The following RARA variants were observed in gnomAD, a reference collection of about 807,000 sequenced individuals.
RARA encodes retinoic acid receptor alpha.
In RARA, 5 loss-of-function variants were observed where a neutral mutation model predicts 42.8. The observed-to-expected ratio is 0.12, with a 90% CI of 0.06 to 0.25. RARA has a LOEUF of 0.25. Ranked by LOEUF, RARA falls within the 10% of genes least tolerant of loss-of-function variation. RARA has a pLI of 1.00. For synonymous variants in RARA, 256 were observed against 259.5 expected, an observed-to-expected ratio of 0.99 and a Z score of 0.13; for missense variants, 402 against 628.7, an observed-to-expected ratio of 0.64 and a Z score of 3.86.
Position 40,351,978 on chromosome 17 carries a change from C to T in RARA, c.538C>T (p.Leu180=), listed in dbSNP as rs1278788955. The change falls in exon 5 of 9, where the codon CTG becomes TTG. Residue 180 remains leucine (L), a synonymous_variant. Transcript: ENST00000254066. The surrounding 1 kb of genome is among the most constrained non-coding windows in gnomAD (Gnocchi z 4.1). ...PKPECSESYT[L]TPEVGELIEK... ...GCCCGAGTGCTCTGAGAGCTACACG[C>T]TGACGCCGGAGGTGGGGGAGCTCAT... The T allele has an allele frequency of 6.2e-7, 1 of 1,607,804 alleles. No homozygotes were observed. Among genetic ancestry groups the T allele is most frequent in the African/African-American group, 1.3e-5 (1 of 74,380 alleles).
intron 1 of RARA, among the ~76,000 whole-genome samples, chr17:40,327,865 A>G (rs1182226338): frequency 6.6e-6 from 1 of 152,134 alleles, no homozygotes; most frequent in African/African-American, 2.4e-5. Context: ...GGGGCCCCAC[A>G]GGAGTTGGGA....
At chr17:40,347,278 G>A (rs1458718835) in intron 2 of RARA, among the ~76,000 whole-genome samples, 5 of 152,194 alleles carry the variant, frequency 3.3e-5, no homozygotes, top group South Asian at 2.1e-4. Flanking sequence ...GAACTTGAAC[G>A]TTGGTAGGGG....
At chr17:40,333,887 T>G (rs145108176) in intron 2 of RARA, among the ~76,000 whole-genome samples, 2,312 of 152,314 alleles carry the variant, frequency 0.015, 30 homozygotes, top group Non-Finnish European at 0.023. Flanking sequence ...TCCTCCTATC[T>G]TGGCCTCCCA....
In RARA at chr17:40,352,617, A is replaced by C; in HGVS notation, c.807+110A>C. The stretch of plus-strand genomic sequence containing the variant: ...GTCTGTCTGCAATCAACCTGTCCAA[A>C]TGCCCACCGCCCAAATGTCTGCCCT... On this transcript the variant is annotated intron_variant, in intron 6 of 8. Transcript: ENST00000254066. This position sits in a 1 kb window ranked among gnomAD's most constrained non-coding sequence, Gnocchi z 4.9. 9.5e-7 allele frequency: 1 copy of C among 1,049,074 alleles called. No homozygotes were observed. Among genetic ancestry groups the C allele is most frequent in the Non-Finnish European group, 1.3e-6 (1 of 757,126 alleles). 65.0% of individuals were successfully genotyped at this position (1,049,074 alleles called of 1,614,324 possible).
At chr17:40,344,760 A>G (rs1460797721) in intron 2 of RARA, among the ~76,000 whole-genome samples, 1 of 152,020 alleles carries the variant, frequency 6.6e-6, no homozygotes, top group East Asian at 1.9e-4. Context: ...GTGTCAGTGG[A>G]CTCGGGTCCT....
In RARA at chr17:40,352,111, GGCCA is replaced by G; in HGVS notation, c.630+42_630+45del. 6.6e-7 allele frequency: 1 copy of G among 1,507,510 alleles called. No individual in the cohort carries two copies. The highest frequency in any genetic ancestry group is 8.8e-7 in the Non-Finnish European group (1 of 1,132,694). The allele number at this position is 1,507,510 out of a possible 1,614,324, so 93.4% of individuals were successfully genotyped here. A position where few individuals can be genotyped will look rare whatever the true frequency, so the allele number is the denominator to read the frequency against. On this transcript the variant is annotated intron_variant, in intron 5 of 8. Transcript: ENST00000254066. This position sits in a 1 kb window ranked among gnomAD's most constrained non-coding sequence, Gnocchi z 4.9. ...GGCCTGCAGGGTGGGATTTGCCCAG[GGCCA>G]CAGGGCCAGGATGGGCCCCTCTCAG...
At chr17:40,349,102 CAGCCTGGAGT>C (rs1488610205) in intron 3 of RARA, 1 of 155,146 alleles carries the variant, frequency 6.4e-6, no homozygotes, top group Non-Finnish European at 1.4e-5. Flanking sequence ...GGCTGCTCTT[CAGCCTGGAGT>C]AGCTATCCCC....
chr17:40,352,255 A>T lies in RARA; in HGVS notation c.631-76A>T, dbSNP rs1246610449. 1.3e-6 allele frequency: 2 copies of T among 1,529,170 alleles called. No homozygotes were observed. Among genetic ancestry groups the T allele is most frequent in the African/African-American group, 2.8e-5 (2 of 72,394 alleles). 94.7% of individuals were successfully genotyped at this position (1,529,170 alleles called of 1,614,324 possible). A position where few individuals can be genotyped will look rare whatever the true frequency, so the allele number is the denominator to read the frequency against. ...AGGAAGTGAAGGCTGGGTAGAGGGC[A>T]GGCCTGTGGGGGCTGGAGCCAGGCT... On this transcript the variant is annotated intron_variant, in intron 5 of 8. Transcript: ENST00000254066. The surrounding 1 kb of genome is among the most constrained non-coding windows in gnomAD (Gnocchi z 4.9).
chr17:40,317,828 G>T (rs1823384923), intron 1 of RARA, among the ~76,000 whole-genome samples: 1 of 152,062 alleles, frequency 6.6e-6, no homozygotes, highest in Non-Finnish European at 1.5e-5. Context: ...GGATTCAGGG[G>T]CTTGACAGCT....
chr17:40,352,814 C>G lies in RARA; in HGVS notation c.807+307C>G, dbSNP rs1189554997. Among the ~76,000 whole-genome samples the G allele has an allele frequency of 1.3e-5, 2 of 152,190 alleles. No individual in the cohort carries two copies. The highest frequency in any genetic ancestry group is 2.9e-5 in the Non-Finnish European group (2 of 68,038). ...TAGGAGCCAGGTGCAGTGGCTCATA[C>G]CTGTAATCCCAGCACTTTGGGAGGC... On this transcript the variant is annotated intron_variant, in intron 6 of 8. Transcript: ENST00000254066. This position sits in a 1 kb window ranked among gnomAD's most constrained non-coding sequence, Gnocchi z 4.9.
At chr17:40,325,183 G>A (rs923014508) in intron 1 of RARA, among the ~76,000 whole-genome samples, 1 of 151,898 alleles carries the variant, frequency 6.6e-6, no homozygotes, top group Admixed American at 6.6e-5. Context: ...CCCGGGAGGC[G>A]GAGGTTGCAG....
Position 40,355,454 on chromosome 17 carries a change from CCCGA to C in RARA, c.1171+35_1171+38del. On this transcript the variant is annotated intron_variant, in intron 8 of 8. Coordinates refer to ENST00000254066, the MANE Select transcript of RARA (RefSeq NM_000964.4). The surrounding 1 kb of genome is among the most constrained non-coding windows in gnomAD (Gnocchi z 4.1). ...TCACAGACCTGGAGGGGTACCGGCCCCCGACACCTGGCCCAGGCCCCCACATCCA... is the reference window on the plus strand; with the variant it reads ...TCACAGACCTGGAGGGGTACCGGCCCCACCTGGCCCAGGCCCCCACATCCA... 1 of 1,585,240 alleles carries C rather than the reference CCCGA, an allele frequency of 6.3e-7. No individual in the cohort carries two copies. The highest frequency in any genetic ancestry group is 8.6e-7 in the Non-Finnish European group (1 of 1,161,506).
At chr17:40,330,356 C>A (rs751406383) in intron 1 of RARA, among the ~76,000 whole-genome samples, 5 of 152,138 alleles carry the variant, frequency 3.3e-5, no homozygotes, top group Non-Finnish European at 5.9e-5. Context: ...GGGACAAACC[C>A]GTCTGGGGTG....
Position 40,352,526 on chromosome 17 carries a change from GC to G in RARA, c.807+24del, listed in dbSNP as rs777686617. 8 of 1,568,454 alleles carry G rather than the reference GC, an allele frequency of 5.1e-6. No individual in the cohort carries two copies. In the African/African-American group the frequency reaches 8.1e-5, roughly 16 times the overall value. ...CATCCTGGTGAGGGTCTGCACCCTG[GC>G]CCCCAGGCACTGCCCCTGTGTCCTG... is the stretch of plus-strand genomic sequence containing the variant. On this transcript the variant is annotated intron_variant, in intron 6 of 8. Coordinates refer to ENST00000254066, the MANE Select transcript of RARA (RefSeq NM_000964.4). The surrounding 1 kb of genome is among the most constrained non-coding windows in gnomAD (Gnocchi z 4.9).
At chr17:40,342,872 G>A in intron 2 of RARA, 1 of 1,608,744 alleles carries the variant, frequency 6.2e-7, no homozygotes. Flanking sequence ...ACCACTGTAC[G>A]TACCGGCCTC....
chr17:40,341,237 G>A (rs1434715921), intron 2 of RARA: 3 of 1,030,822 alleles, frequency 2.9e-6, no homozygotes, highest in Non-Finnish European at 4.0e-6. Flanking sequence ...CAGTGCACCA[G>A]GGGCCGGTAC....
At position 40,316,948 on chromosome 17, in the gene RARA, C is replaced by G. The variant is rs532760609; in HGVS notation, c.-363+7662C>G. On this transcript the variant is annotated intron_variant, in intron 1 of 8. Coordinates refer to ENST00000254066, the MANE Select transcript of RARA (RefSeq NM_000964.4). ...ACTGCTGGGGCAGTTTCCCGTGCGCCGGCCCTCAGGGCAAAGGGTCCCGCC... is the reference window on the plus strand; with the variant it reads ...ACTGCTGGGGCAGTTTCCCGTGCGCGGGCCCTCAGGGCAAAGGGTCCCGCC... Among the ~76,000 whole-genome samples, 127 of 152,344 alleles carry G rather than the reference C, an allele frequency of 8.3e-4. 1 individual carries two copies. The highest frequency in any genetic ancestry group is 2.0e-3 in the African/African-American group (83 of 41,572).
Position 40,356,103 on chromosome 17 carries a change from T to A in RARA, c.1266T>A (p.Thr422=), listed in dbSNP as rs1473630804. ...EMLENSEGLD[T]LSGQPGGGGR... is the part of the protein sequence containing the mutation. ...TGGAGAACTCAGAGGGCCTGGACAC[T>A]CTGAGCGGACAGCCGGGGGGTGGGG... Residue 422 remains threonine, a synonymous_variant, in exon 9 of 9, where the codon ACT becomes ACA. Transcript: ENST00000254066. 3 of 678,604 alleles carry A rather than the reference T, an allele frequency of 4.4e-6. No homozygotes were observed. Among genetic ancestry groups the A allele is most frequent in the Non-Finnish European group, 4.8e-6 (2 of 416,768 alleles). The allele number at this position is 678,604 out of a possible 1,614,324, so 42.0% of individuals were successfully genotyped here. A position where few individuals can be genotyped will look rare whatever the true frequency, so the allele number is the denominator to read the frequency against.
intron 2 of RARA, among the ~76,000 whole-genome samples, chr17:40,346,483 A>G (rs374785841): frequency 1.3e-4 from 19 of 146,046 alleles, no homozygotes; most frequent in African/African-American, 2.3e-4. Flanking sequence ...GGTCCCCCCA[A>G]CCCTCCACAT....
Sources: gnomAD v4.1 joint callset for allele counts (sites outside exome capture counted in the v4.1 genomes callset) on GRCh38, gnomAD v4.1.1 for gene constraint, Gnocchi (gnomAD v3.1) non-coding constraint, MANE v1.5 for transcripts, NCBI Gene and HGNC (gene_info 2026-07-23, HGNC 2026-07-21) for gene names.